Variants in EXT2 observed in about 807,000 individuals in gnomAD.
The protein encoded by EXT2 is exostosin-2.
Under a neutral mutation model 81.6 loss-of-function variants are expected in EXT2, and 53 were observed. The ratio of observed to expected loss-of-function variants is 0.65; its 90% CI spans 0.52 to 0.82. EXT2 has a LOEUF of 0.82. Ranked by LOEUF, EXT2 falls within the 40% of genes least tolerant of loss-of-function variation. EXT2 has a pLI of 0.00. For missense variants in EXT2, 774 were observed against 910.2 expected, an observed-to-expected ratio of 0.85 and a Z score of 1.93; for synonymous variants, 320 against 340.0, an observed-to-expected ratio of 0.94 and a Z score of 0.65.
intron 7 of EXT2, among the ~76,000 whole-genome samples, chr11:44,145,585 C>T (rs1358744753): frequency 2.6e-5 from 4 of 152,102 alleles, no homozygotes; most frequent in Non-Finnish European, 5.9e-5. Flanking sequence ...GTGTCTGGTA[C>T]TGTACTGGGA....
chr11:44,201,880 T>C (rs1225425130), intron 9 of EXT2, among the ~76,000 whole-genome samples: 1 of 152,212 alleles, frequency 6.6e-6, no homozygotes, highest in African/African-American at 2.4e-5. Context: ...TTTTAATGCT[T>C]ATTCTTTGAT....
chr11:44,191,778 G>T lies in EXT2; in HGVS notation c.1306-6051G>T, dbSNP rs987725047. 2.0e-5 allele frequency among the ~76,000 whole-genome samples: 3 copies of T among 152,260 alleles called. No individual in the cohort carries two copies. The East Asian group carries it at 5.8e-4, about 29-fold the overall frequency. On this transcript the variant is annotated intron_variant, in intron 8 of 13. Transcript: ENST00000533608. ...TTTGCTGACCTTACCCTAGTGGGGT[G>T]GAGTGTCTGTGTGAAGGTAACACCC...
intron 9 of EXT2, among the ~76,000 whole-genome samples, chr11:44,202,454 A>T (rs185276843): frequency 6.6e-6 from 1 of 152,312 alleles, no homozygotes; most frequent in East Asian, 1.9e-4. Context: ...ACATGACCAA[A>T]GTTCCATGTT....
intron 2 of EXT2, among the ~76,000 whole-genome samples, chr11:44,108,872 C>T (rs1454209714): frequency 2.0e-5 from 3 of 152,216 alleles, no homozygotes; most frequent in Middle Eastern, 6.8e-3. Context: ...TGCAGATGTT[C>T]TACCATATAT....
At chr11:44,213,729 T>C (rs1300567612) in intron 10 of EXT2, among the ~76,000 whole-genome samples, 1 of 152,202 alleles carries the variant, frequency 6.6e-6, no homozygotes, top group Non-Finnish European at 1.5e-5. Flanking sequence ...CTTCAGAGAC[T>C]TGTGGGACAA....
chr11:44,228,674 C>A (rs1955864656), intron 10 of EXT2, among the ~76,000 whole-genome samples: 1 of 152,144 alleles, frequency 6.6e-6, no homozygotes, highest in Admixed American at 6.5e-5. Flanking sequence ...TATAAAGGCT[C>A]CAAAGCAACC....
chr11:44,183,797 TGCCTG>T (rs1360091577), intron 8 of EXT2, among the ~76,000 whole-genome samples: 1 of 152,238 alleles, frequency 6.6e-6, no homozygotes, highest in African/African-American at 2.4e-5. Context: ...CAAATCTGTC[TGCCTG>T]GCCTTCTTCA....
rs141966054 is a variant in EXT2 at position 44,124,554 on chromosome 11, T to G, written c.744-235T>G. ...CACGATATCAAGAACTGTTCCCAAA[T>G]AAGATGTGTTATGATTGCATAATAT... On this transcript the variant is annotated intron_variant, in intron 4 of 13. Transcript: ENST00000533608. Among the ~76,000 whole-genome samples, 79 of 152,004 alleles carry G rather than the reference T, an allele frequency of 5.2e-4. 1 individual carries two copies. In the East Asian group the frequency reaches 0.012, roughly 22 times the overall value.
chr11:44,229,821 A>G (rs549225867), intron 10 of EXT2, among the ~76,000 whole-genome samples: 2 of 152,280 alleles, frequency 1.3e-5, no homozygotes, highest in Admixed American at 1.3e-4. Context: ...GGTCCCCTTC[A>G]TTCTTGGCTT....
rs201239058 is a variant in EXT2, at chr11:44,244,102, C to A, written c.2019-47C>A. Reference sequence around the variant, plus strand: ...CTTTTCTCCCTGCCCCCATCCTTCTCATTCTGCTCAAACCCCTCCTCCCCA... The same window carrying A: ...CTTTTCTCCCTGCCCCCATCCTTCTAATTCTGCTCAAACCCCTCCTCCCCA... On this transcript the variant is annotated intron_variant, in intron 13 of 13. Coordinates refer to ENST00000533608, the MANE Select transcript of EXT2 (RefSeq NM_207122.2). 2,162 of 1,584,982 alleles carry A rather than the reference C, an allele frequency of 1.4e-3. 4 individuals are homozygous for A. Among genetic ancestry groups the A allele is most frequent in the Non-Finnish European group, 1.7e-3 (1,973 of 1,154,204 alleles).
chr11:44,195,481 G>A (rs1955445178), intron 8 of EXT2, among the ~76,000 whole-genome samples: 1 of 152,002 alleles, frequency 6.6e-6, no homozygotes, highest in Admixed American at 6.6e-5. Context: ...GTGTCTCTTG[G>A]TTGTGAAATC....
At chr11:44,221,391 G>A (rs1244164491) in intron 10 of EXT2, among the ~76,000 whole-genome samples, 1 of 152,128 alleles carries the variant, frequency 6.6e-6, no homozygotes, top group Non-Finnish European at 1.5e-5. Flanking sequence ...ATTTTAAAGA[G>A]GTGTTGGTAC....
At chr11:44,207,564 G>A (rs1219277911) in intron 10 of EXT2, among the ~76,000 whole-genome samples, 1 of 152,232 alleles carries the variant, frequency 6.6e-6, no homozygotes, top group Non-Finnish European at 1.5e-5. Context: ...GATGGGCCCT[G>A]TCAGGGTGTA....
intron 4 of EXT2, among the ~76,000 whole-genome samples, 157 bp downstream of exon 4, chr11:44,114,458 C>T (rs1954193512): frequency 6.6e-6 from 1 of 152,174 alleles, no homozygotes; most frequent in Non-Finnish European, 1.5e-5. Flanking sequence ...CATGCAGTCT[C>T]ATTCATCTTG....
At chr11:44,179,957 C>T (rs1198690637) in intron 8 of EXT2, among the ~76,000 whole-genome samples, 1 of 152,198 alleles carries the variant, frequency 6.6e-6, no homozygotes, top group African/African-American at 2.4e-5. Flanking sequence ...GTCATTACAG[C>T]TGCAGGTTAG....
At chr11:44,224,306 A>C (rs1008745713) in intron 10 of EXT2, among the ~76,000 whole-genome samples, 1 of 152,124 alleles carries the variant, frequency 6.6e-6, no homozygotes, top group African/African-American at 2.4e-5. Flanking sequence ...TAATATCAAA[A>C]TTAAGATTTT....
intron 10 of EXT2, among the ~76,000 whole-genome samples, chr11:44,219,351 T>TA (rs562729890): frequency 1.6e-3 from 235 of 143,876 alleles, no homozygotes; most frequent in Admixed American, 3.5e-3. Context: ...AAAATTAAAT[T>TA]AAAAAAAAAA....
chr11:44,200,052 G>A (rs1166415714), intron 9 of EXT2, among the ~76,000 whole-genome samples: 2 of 151,924 alleles, frequency 1.3e-5, no homozygotes, highest in East Asian at 1.9e-4. Context: ...ATCTTCTGTG[G>A]GGTGTTTGTT....
rs1954342953 is a variant in EXT2, at chr11:44,123,119, G to A, written c.744-1670G>A. 2.6e-5 allele frequency among the ~76,000 whole-genome samples: 4 copies of A among 152,302 alleles called. No homozygotes were observed. In the South Asian group the frequency reaches 8.3e-4, roughly 32 times the overall value. ...TATGACTAGTCTAGCTGGCTAGGCA[G>A]GTGTTCACCTTCACTCATTGCTTTA... is the stretch of plus-strand genomic sequence containing the variant. On this transcript the variant is annotated intron_variant, in intron 4 of 13. Transcript: ENST00000533608.
Sources: gnomAD v4.1 joint callset for allele counts (sites outside exome capture counted in the v4.1 genomes callset) on GRCh38, gnomAD v4.1.1 for gene constraint, MANE v1.5 for transcripts, NCBI Gene and HGNC (gene_info 2026-07-23, HGNC 2026-07-21) for gene names.